RHCG: variants seen among roughly 807,000 people sequenced by gnomAD.
RHCG encodes the protein Rh family C glycoprotein, also known as ammonium transporter Rh type C.
A neutral mutation model predicts 55.3 loss-of-function variants in RHCG; 39 were observed. The ratio of observed to expected loss-of-function variants is 0.70; its 90% CI spans 0.55 to 0.92. The LOEUF (loss-of-function observed/expected upper bound fraction) is 0.92. Ranked by LOEUF, RHCG falls within the 40% of genes least tolerant of loss-of-function variation. The pLI is 0.00. For synonymous variants in RHCG, 250 were observed against 246.8 expected, an observed-to-expected ratio of 1.01 and a Z score of -0.12; for missense variants, 635 against 627.9, an observed-to-expected ratio of 1.01 and a Z score of -0.12.
chr15:89,478,991 T>C (rs754270076), intron 5 of RHCG, among the ~76,000 whole-genome samples: 2 of 150,974 alleles, frequency 1.3e-5, no homozygotes, highest in African/African-American at 2.5e-5. Context: ...TCCCAGCTAG[T>C]TGGGAAACTG....
At position 89,477,036 on chromosome 15, in the gene RHCG, C is replaced by A. The variant is rs200837691; in HGVS notation, c.1237+46G>T. 2 of 1,611,896 alleles carry A rather than the reference C, an allele frequency of 1.2e-6. No homozygotes were observed. The highest frequency in any genetic ancestry group is 4.5e-5 in the East Asian group (2 of 44,840). ...GCCCTTTGCTTCTCCACCCAGGGAGCCCCACAGCAGCACCCCCCTTCTCTG... is the reference window on the plus strand; with the variant it reads ...GCCCTTTGCTTCTCCACCCAGGGAGACCCACAGCAGCACCCCCCTTCTCTG... On this transcript the variant is annotated intron_variant, in intron 8 of 10. Transcript: ENST00000268122. The surrounding 1 kb of genome is among the most constrained non-coding windows in gnomAD (Gnocchi z 4.5).
In RHCG at chr15:89,486,564, C is replaced by CAGAG. The variant is rs59120813; in HGVS notation, c.371+231_371+234dup. The CAGAG allele has an allele frequency of 1.9e-3, 514 of 268,978 alleles. 5 individuals carry two copies. Among genetic ancestry groups the CAGAG allele is most frequent in the African/African-American group, 9.2e-3 (269 of 29,366 alleles). The allele number at this position is 268,978 out of a possible 1,614,324, so 16.7% of individuals were successfully genotyped here. A position where few individuals can be genotyped will look rare whatever the true frequency, so the allele number is the denominator to read the frequency against. ...AAGCGAAGTGAGAGAGAGAGAGAGA[C>CAGAG]AGAGAGAGAGAGAGAGAGAGAGAGA... On this transcript the variant is annotated intron_variant, in intron 2 of 10. Transcript: ENST00000268122.
At chr15:89,481,012 G>A (rs1961256677) in intron 3 of RHCG, among the ~76,000 whole-genome samples, 1 of 152,246 alleles carries the variant, frequency 6.6e-6, no homozygotes, top group African/African-American at 2.4e-5. Flanking sequence ...CAGCCAGAGA[G>A]GTAAGTGTGT....
At chr15:89,473,025 A>T (rs1312901469) in intron 9 of RHCG, among the ~76,000 whole-genome samples, 162 bp from the exon 10 acceptor site, 1 of 152,162 alleles carries the variant, frequency 6.6e-6, no homozygotes, top group Non-Finnish European at 1.5e-5. Context: ...TCAACACAGG[A>T]GTCCTGCCCC....
chr15:89,473,941 T>G (rs1961086129), intron 9 of RHCG, among the ~76,000 whole-genome samples: 1 of 152,226 alleles, frequency 6.6e-6, no homozygotes. Context: ...ATTTATTTCG[T>G]TAGCGTAAAA....
intron 5 of RHCG, 42 bp downstream of exon 5, chr15:89,479,279 GC>G: frequency 6.3e-7 from 1 of 1,584,834 alleles, no homozygotes; most frequent in South Asian, 1.2e-5. Flanking sequence ...CGCCCTCCAG[GC>G]CCAGGCAGTC....
intron 3 of RHCG, among the ~76,000 whole-genome samples, chr15:89,482,467 G>A (rs753325538): frequency 1.3e-5 from 2 of 152,150 alleles, no homozygotes; most frequent in South Asian, 4.2e-4. Context: ...CGTAGAAGAG[G>A]AGGGTGCTAA....
chr15:89,495,514 A>G (rs1163116934), intron 1 of RHCG, among the ~76,000 whole-genome samples: 3 of 152,196 alleles, frequency 2.0e-5, no homozygotes, highest in Admixed American at 2.0e-4. Flanking sequence ...TTTTGGGAAG[A>G]GCCCCAGGCT....
chr15:89,495,928 T>C (rs1961557347), intron 1 of RHCG, among the ~76,000 whole-genome samples: 1 of 152,120 alleles, frequency 6.6e-6, no homozygotes, highest in Non-Finnish European at 1.5e-5. Flanking sequence ...AGGGGGTGGG[T>C]GTCCTGGCCT....
chr15:89,494,371 A>T (rs1018990044), intron 1 of RHCG, among the ~76,000 whole-genome samples: 2 of 152,196 alleles, frequency 1.3e-5, no homozygotes, highest in Non-Finnish European at 2.9e-5. Context: ...TTGCCAGGAC[A>T]GTCATGGCTT....
chr15:89,485,226 A>T (rs2141896702), intron 2 of RHCG, among the ~76,000 whole-genome samples: 1 of 152,216 alleles, frequency 6.6e-6, no homozygotes, highest in African/African-American at 2.4e-5. Flanking sequence ...ATTTAGCCAT[A>T]GCTATTTTGC....
Position 89,476,800 on chromosome 15 carries a change from T to G in RHCG, c.1266A>C (p.Gly422=), listed in dbSNP as rs1567224629. Residue 422 remains glycine (G), a synonymous_variant, in exon 9 of 11, where the codon GGA becomes GGC. Transcript: ENST00000268122. ...CAAAGCAGTTCTCATCTGAAGGTTG[T>G]CCCCAGAATGGTAATCTCAAAATGA... ...VGLILRLPFW[G]QPSDENCFED... 9 of 1,614,106 alleles carry G rather than the reference T, an allele frequency of 5.6e-6. No homozygotes were observed. Among genetic ancestry groups the G allele is most frequent in the Non-Finnish European group, 7.6e-6 (9 of 1,179,970 alleles).
In RHCG at chr15:89,479,711, C is replaced by G. The variant is rs570381918; in HGVS notation, c.671-223G>C. On this transcript the variant is annotated intron_variant, in intron 4 of 10. Coordinates refer to ENST00000268122, the MANE Select transcript of RHCG (RefSeq NM_016321.3). ...ACCACTCCAGGAAGTCTACCCTGACCCCCATTTCTGGGCTAAATGCCCCCA... is the reference window on the plus strand; with the variant it reads ...ACCACTCCAGGAAGTCTACCCTGACGCCCATTTCTGGGCTAAATGCCCCCA... 41 of 555,506 alleles carry G rather than the reference C, an allele frequency of 7.4e-5. No individual in the cohort carries two copies. The Admixed American group carries it at 9.1e-4, about 12-fold the overall frequency. 34.4% of individuals were successfully genotyped at this position (555,506 alleles called of 1,614,324 possible). A position where few individuals can be genotyped will look rare whatever the true frequency, so the allele number is the denominator to read the frequency against.
At chr15:89,479,799 G>C in intron 4 of RHCG, 1 of 417,150 alleles carries the variant, frequency 2.4e-6, no homozygotes, top group South Asian at 3.1e-5. Context: ...CCTCCACATG[G>C]CACTGCTTTC....
intron 3 of RHCG, among the ~76,000 whole-genome samples, chr15:89,482,828 A>G (rs920622134): frequency 6.6e-6 from 1 of 152,214 alleles, no homozygotes; most frequent in South Asian, 2.1e-4. Context: ...GGAGGGGGAA[A>G]AAAACAACAT....
At chr15:89,476,924 T>G in intron 8 of RHCG, 96 bp from the exon 9 acceptor site, 1 of 1,537,262 alleles carries the variant, frequency 6.5e-7, no homozygotes, top group Non-Finnish European at 9.0e-7. Flanking sequence ...CTGGGGCCCT[T>G]GGGCTGAGTT....
At chr15:89,486,757 C>A in intron 2 of RHCG, 42 bp downstream of exon 2, 1 of 1,556,236 alleles carries the variant, frequency 6.4e-7, no homozygotes, top group Non-Finnish European at 8.7e-7. Context: ...CAGCCCCATC[C>A]CTCCCAGTCC....
chr15:89,478,073 C>T (rs1596403132), intron 5 of RHCG, 99 bp from the exon 6 acceptor site: 1 of 1,456,602 alleles, frequency 6.9e-7, no homozygotes, highest in Non-Finnish European at 9.2e-7. Context: ...TGCAGCCTGG[C>T]TCCTGGGAGC....
In RHCG at chr15:89,479,366, C is replaced by A. The variant is rs750178091; in HGVS notation, c.793G>T (p.Val265Leu). ...CSLAACVLTSVAISSALHKKG... is the reference protein window; with the variant it reads ...CSLAACVLTSLAISSALHKKG... Reference sequence around the variant, plus strand: ...TTGTGCAGGGCACTGGATATTGCCACCGAGGTAAGCACGCAGGCTGCCAAG... The same window carrying A: ...TTGTGCAGGGCACTGGATATTGCCAACGAGGTAAGCACGCAGGCTGCCAAG... Residue 265 changes from valine (V) to leucine (L), a missense_variant, in exon 5 of 11, where the codon GTG becomes TTG. Val to Leu is a conservative substitution (Grantham distance 32). Coordinates refer to ENST00000268122, the MANE Select transcript of RHCG (RefSeq NM_016321.3). 3 of 1,614,206 alleles carry A rather than the reference C, an allele frequency of 1.9e-6. No individual in the cohort carries two copies. The highest frequency in any genetic ancestry group is 2.5e-6 in the Non-Finnish European group (3 of 1,180,042).
Sources: allele counts gnomAD v4.1 joint callset (sites outside exome capture counted in the v4.1 genomes callset), GRCh38; gene constraint gnomAD v4.1.1; non-coding constraint Gnocchi (gnomAD v3.1); transcripts MANE v1.5; gene names NCBI Gene and HGNC (gene_info 2026-07-23, HGNC 2026-07-21).